The following AVEN variants were observed in gnomAD, a reference collection of about 807,000 sequenced individuals.
AVEN encodes the protein cell death regulator Aven.
Under a neutral mutation model 38.1 loss-of-function variants are expected in AVEN, and 41 were observed. The observed-to-expected ratio is 1.08, with a 90% confidence interval of 0.84 to 1.40. The LOEUF (loss-of-function observed/expected upper bound fraction) is 1.40, where lower values mean the gene tolerates loss of function less well. Among genes scored for constraint, AVEN ranks in the 40% most tolerant of loss-of-function variants. The pLI is 0.00. For missense variants in AVEN, 605 were observed against 438.8 expected, an observed-to-expected ratio of 1.38 and a Z score of -3.38; for synonymous variants, 206 against 171.8, an observed-to-expected ratio of 1.20 and a Z score of -1.56.
intron 1 of AVEN, among the ~76,000 whole-genome samples, chr15:34,032,006 C>T (rs1156710454): frequency 8.4e-6 from 1 of 119,668 alleles, no homozygotes; most frequent in Non-Finnish European, 2.0e-5. Context: ...CCTCAACACA[C>T]ACATACGCGC....
At chr15:33,861,712 T>C (rs958825741), downstream of AVEN, among the ~76,000 whole-genome samples, 6 of 152,212 alleles carry the variant, frequency 3.9e-5, no homozygotes, top group Non-Finnish European at 7.3e-5. Flanking sequence ...TGTTGCTAAA[T>C]TCTGTGTTCA....
intron 5 of AVEN, among the ~76,000 whole-genome samples, chr15:34,055,104 A>T (rs1024474815): frequency 4.0e-5 from 6 of 151,824 alleles, no homozygotes; most frequent in African/African-American, 1.5e-4. Flanking sequence ...AGGCAGGAGA[A>T]TCACTTGAAC....
chr15:33,890,216 C>T (rs563262486), intron 2 of AVEN, among the ~76,000 whole-genome samples: 6 of 152,176 alleles, frequency 3.9e-5, no homozygotes, highest in South Asian at 4.1e-4. Flanking sequence ...AGTTGGGGCT[C>T]GATGCTGCCT....
At chr15:33,986,138 G>A (rs186988822) in intron 2 of AVEN, among the ~76,000 whole-genome samples, 3 of 150,600 alleles carry the variant, frequency 2.0e-5, no homozygotes, top group South Asian at 2.1e-4. Context: ...ATGGACTCTC[G>A]CTCTGTCGCC....
intron 1 of AVEN, among the ~76,000 whole-genome samples, chr15:34,021,812 G>A (rs996561540): frequency 1.1e-4 from 17 of 152,092 alleles, no homozygotes; most frequent in East Asian, 3.9e-4. Flanking sequence ...CCGAGGTTGC[G>A]CCACTGCACT....
chr15:33,966,219 T>G (rs561685607), intron 2 of AVEN, among the ~76,000 whole-genome samples: 1 of 152,136 alleles, frequency 6.6e-6, no homozygotes, highest in African/African-American at 2.4e-5. Context: ...TATGTTGACA[T>G]TGTATTATAA....
At chr15:34,038,659 C>CCGG in intron 1 of AVEN, 121 bp downstream of exon 1, 1 of 975,610 alleles carries the variant, frequency 1.0e-6, no homozygotes, top group Non-Finnish European at 1.3e-6. Context: ...CGCGCAGGCG[C>CCGG]CGGCGCCGCC....
intron 2 of AVEN, among the ~76,000 whole-genome samples, chr15:33,935,534 A>ATG (rs916427295): frequency 2.0e-5 from 3 of 152,184 alleles, no homozygotes; most frequent in African/African-American, 7.2e-5. Flanking sequence ...GTGTATATAT[A>ATG]TGTGTGTGTA....
chr15:34,027,077 C>T (rs1898512849), intron 1 of AVEN, among the ~76,000 whole-genome samples: 1 of 152,188 alleles, frequency 6.6e-6, no homozygotes, highest in African/African-American at 2.4e-5. Context: ...AGAACACTGA[C>T]AAAAATTGTC....
intron 2 of AVEN, among the ~76,000 whole-genome samples, chr15:33,961,690 G>C (rs1395459977): frequency 6.6e-6 from 1 of 151,414 alleles, no homozygotes; most frequent in Non-Finnish European, 1.5e-5. Flanking sequence ...GCGGGCACCT[G>C]TAGTCCCAGC....
rs182559023 is a variant in AVEN, at chr15:33,887,415, A to G, written c.446-11420T>C. Among the ~76,000 whole-genome samples the G allele has an allele frequency of 2.1e-3, 323 of 152,310 alleles. 3 individuals are homozygous for G. Among genetic ancestry groups the G allele is most frequent in the Non-Finnish European group, 3.9e-3 (268 of 68,024 alleles). ...TTTTCAGTTCTAACATAGGGTAATT[A>G]TGGGGTAAAATTCTAGTTTCCAGCA... On this transcript the variant is annotated intron_variant, in intron 2 of 5. Transcript: ENST00000306730.
At chr15:34,072,891 C>G (rs1038907975) in intron 1 of AVEN, among the ~76,000 whole-genome samples, 1 of 151,858 alleles carries the variant, frequency 6.6e-6, no homozygotes, top group Non-Finnish European at 1.5e-5. Flanking sequence ...CCTTTTGATC[C>G]GCCTGCCTTG....
At chr15:34,006,403 A>G (rs913359323) in intron 1 of AVEN, among the ~76,000 whole-genome samples, 1 of 152,240 alleles carries the variant, frequency 6.6e-6, no homozygotes, top group African/African-American at 2.4e-5. Context: ...GGAAAATTCA[A>G]TATTCTTTTG....
chr15:33,996,864 G>C (rs1279690487), intron 2 of AVEN, among the ~76,000 whole-genome samples: 1 of 152,190 alleles, frequency 6.6e-6, no homozygotes, highest in Non-Finnish European at 1.5e-5. Context: ...ACTTTGATGA[G>C]CTGACAGAAG....
At chr15:33,858,967 T>A (rs1377478084) in exon 12 of AVEN, 1 of 152,718 alleles carries the variant, frequency 6.5e-6, no homozygotes, top group Non-Finnish European at 1.5e-5. Context: ...CAGCGTGTCT[T>A]CAGGCTGCCC....
chr15:34,001,074 G>A (rs1175344830), intron 2 of AVEN, among the ~76,000 whole-genome samples: 1 of 148,530 alleles, frequency 6.7e-6, no homozygotes, highest in Non-Finnish European at 1.5e-5. Flanking sequence ...AGGCTGGAGT[G>A]CAGTGGTACG....
At chr15:34,007,183 T>C in intron 1 of AVEN, 1 of 373,044 alleles carries the variant, frequency 2.7e-6, no homozygotes, top group Middle Eastern at 1.3e-3. Flanking sequence ...CAAATCCATT[T>C]AAAACAAATT....
intron 2 of AVEN, among the ~76,000 whole-genome samples, chr15:33,928,840 C>T (rs1893731442): frequency 6.6e-6 from 1 of 152,132 alleles, no homozygotes; most frequent in Non-Finnish European, 1.5e-5. Flanking sequence ...TCAAAAGGCA[C>T]CTGCCTCATG....
At chr15:33,946,216 AAAGAG>A (rs1458495844) in intron 2 of AVEN, among the ~76,000 whole-genome samples, 3 of 152,198 alleles carry the variant, frequency 2.0e-5, no homozygotes, top group Non-Finnish European at 2.9e-5. Context: ...CTGTAAGGAC[AAAGAG>A]AAGATATGAC....
Sources: gnomAD v4.1 joint callset for allele counts (sites outside exome capture counted in the v4.1 genomes callset) on GRCh38, gnomAD v4.1.1 for gene constraint, MANE v1.5 for transcripts, NCBI Gene and HGNC (gene_info 2026-07-23, HGNC 2026-07-21) for gene names.